Variants in COL5A2 observed in about 807,000 individuals in gnomAD.
The protein encoded by COL5A2 is collagen alpha-2(V) chain.
Under a neutral mutation model 208.2 loss-of-function variants are expected in COL5A2, and 23 were observed. The observed-to-expected ratio is 0.11, with a 90% CI of 0.08 to 0.16. COL5A2 has a LOEUF of 0.16. Among genes scored for constraint, COL5A2 ranks in the 10% least tolerant of loss-of-function variants. The pLI is 1.00. For synonymous variants in COL5A2, 625 were observed against 628.5 expected, an observed-to-expected ratio of 0.99 and a Z score of 0.08; for missense variants, 1,590 against 1,956.4, an observed-to-expected ratio of 0.81 and a Z score of 3.53.
chr2:189,103,150 C>T (rs1048939867), intron 3 of COL5A2, among the ~76,000 whole-genome samples: 5 of 152,076 alleles, frequency 3.3e-5, no homozygotes, highest in African/African-American at 1.2e-4. Flanking sequence ...ATCCATCTAT[C>T]TTTCACCTAT....
the COL5A2 span, among the ~76,000 whole-genome samples, chr2:189,261,651 G>C: frequency 1.3e-5 from 2 of 152,318 alleles, no homozygotes; most frequent in South Asian, 4.1e-4. Flanking sequence ...TAGATTTCCT[G>C]TTCTTTCAAC....
intron 49 of COL5A2, among the ~76,000 whole-genome samples, chr2:189,042,513 C>A (rs10195023): frequency 6.6e-6 from 1 of 151,920 alleles, no homozygotes; most frequent in Non-Finnish European, 1.5e-5. Context: ...AATTTTATTG[C>A]GGGCCCATGA....
chr2:189,212,001 G>A (rs1225273269), intron 1 of COL5A2, among the ~76,000 whole-genome samples: 1 of 152,182 alleles, frequency 6.6e-6, no homozygotes, highest in African/African-American at 2.4e-5. Context: ...ATAGCTGCCA[G>A]CAAGTATTCA....
intron 1 of COL5A2, among the ~76,000 whole-genome samples, chr2:189,122,365 T>G (rs962759615): frequency 6.6e-6 from 1 of 152,166 alleles, no homozygotes; most frequent in Non-Finnish European, 1.5e-5. Context: ...AGGAAAACTC[T>G]GCCTGGGAAA....
the COL5A2 span, among the ~76,000 whole-genome samples, chr2:189,345,728 A>T: frequency 1.3e-5 from 2 of 152,176 alleles, no homozygotes; most frequent in Non-Finnish European, 2.9e-5. Flanking sequence ...GTTCAAATAG[A>T]GAAGGGGCAA....
At chr2:189,388,528 A>G in the COL5A2 span, among the ~76,000 whole-genome samples, 1 of 152,324 alleles carries the variant, frequency 6.6e-6, no homozygotes, top group Admixed American at 6.5e-5. Flanking sequence ...CTTGCAAGCC[A>G]AGATAAATGG....
At chr2:189,234,011 T>C in the COL5A2 span, among the ~76,000 whole-genome samples, 1 of 151,748 alleles carries the variant, frequency 6.6e-6, no homozygotes, top group Non-Finnish European at 1.5e-5. Flanking sequence ...TTCTTTGTTT[T>C]CTCTCTTCTA....
chr2:189,375,908 T>C, the COL5A2 span, among the ~76,000 whole-genome samples: 2 of 152,224 alleles, frequency 1.3e-5, no homozygotes, highest in African/African-American at 2.4e-5. Flanking sequence ...GGGGAAGCTT[T>C]TGACTCAGCC....
At chr2:189,183,726 C>T (rs1688811862), upstream of COL5A2, among the ~76,000 whole-genome samples, 1 of 152,142 alleles carries the variant, frequency 6.6e-6, no homozygotes, top group African/African-American at 2.4e-5. Context: ...TCAATTACCC[C>T]TCTTTCTAAG....
the COL5A2 span, among the ~76,000 whole-genome samples, chr2:189,342,037 C>A: frequency 6.6e-6 from 1 of 152,004 alleles, no homozygotes; most frequent in Non-Finnish European, 1.5e-5. Context: ...ATTTTATTCT[C>A]AGCTACTTTC....
chr2:189,162,777 C>T lies in COL5A2; in HGVS notation c.97+16731G>A, dbSNP rs536908704. 5.3e-5 allele frequency among the ~76,000 whole-genome samples: 8 copies of T among 152,072 alleles called. 1 individual carries two copies. Among genetic ancestry groups the T allele is most frequent in the African/African-American group, 1.9e-4 (8 of 41,480 alleles). On this transcript the variant is annotated intron_variant, in intron 1 of 53. Transcript: ENST00000374866. ...AGAGGCTTGTTTTCTGCCCAGAATCCCTGGGAGAGGAATTCTAGCAGGACT... is the reference window on the plus strand; with the variant it reads ...AGAGGCTTGTTTTCTGCCCAGAATCTCTGGGAGAGGAATTCTAGCAGGACT...
At chr2:189,307,157 T>G in the COL5A2 span, among the ~76,000 whole-genome samples, 1 of 152,140 alleles carries the variant, frequency 6.6e-6, no homozygotes, top group Non-Finnish European at 1.5e-5. Context: ...ACATCTGAAT[T>G]CCTTTTACAG....
At chr2:189,087,469 T>G (rs1214903022) in intron 8 of COL5A2, among the ~76,000 whole-genome samples, 1 of 151,980 alleles carries the variant, frequency 6.6e-6, no homozygotes, top group Non-Finnish European at 1.5e-5. Flanking sequence ...TTTATTCTTT[T>G]TGGATTTTTT....
chr2:189,427,239 C>T, the COL5A2 span, among the ~76,000 whole-genome samples: 2 of 152,246 alleles, frequency 1.3e-5, no homozygotes, highest in Non-Finnish European at 2.9e-5. Flanking sequence ...GGCTCAGGTA[C>T]ACCTCAGGCT....
the COL5A2 span, among the ~76,000 whole-genome samples, chr2:189,363,284 A>G: frequency 6.6e-6 from 1 of 152,132 alleles, no homozygotes; most frequent in Non-Finnish European, 1.5e-5. Flanking sequence ...TAAGTATAAT[A>G]CTTGCCAAAT....
At chr2:189,129,838 T>C (rs534016991) in intron 1 of COL5A2, among the ~76,000 whole-genome samples, 1 of 152,194 alleles carries the variant, frequency 6.6e-6, no homozygotes, top group East Asian at 1.9e-4. Context: ...TATGCCCTCA[T>C]GTGGCTTACA....
At chr2:189,072,854 A>G (rs1393715231) in intron 17 of COL5A2, among the ~76,000 whole-genome samples, 2 of 151,788 alleles carry the variant, frequency 1.3e-5, no homozygotes, top group African/African-American at 4.8e-5. Context: ...ATATTACCCT[A>G]CATTTGGGAA....
chr2:189,377,537 TTGAA>T, the COL5A2 span, among the ~76,000 whole-genome samples: 2 of 152,202 alleles, frequency 1.3e-5, no homozygotes, highest in African/African-American at 4.8e-5. Flanking sequence ...TAAAAACATT[TTGAA>T]TGAATAAATG....
At chr2:189,097,175 G>A in intron 6 of COL5A2, 102 bp downstream of exon 6, 3 of 1,049,936 alleles carry the variant, frequency 2.9e-6, no homozygotes, top group South Asian at 1.3e-5. Flanking sequence ...TTTAATGGAG[G>A]TGAAAGAGGA....
Sources: allele counts gnomAD v4.1 joint callset (sites outside exome capture counted in the v4.1 genomes callset), GRCh38; gene constraint gnomAD v4.1.1; transcripts MANE v1.5; gene names NCBI Gene and HGNC (gene_info 2026-07-23, HGNC 2026-07-21).